ERMARD: variants seen among roughly 807,000 people sequenced by gnomAD.
The protein encoded by ERMARD is ER membrane associated RNA degradation, also known as endoplasmic reticulum membrane-associated RNA degradation protein.
A neutral mutation model predicts 83.9 loss-of-function variants in ERMARD; 71 were observed. The observed-to-expected ratio is 0.85, with a 90% confidence interval of 0.70 to 1.03. The LOEUF is 1.03. ERMARD is among the 50% of genes least tolerant of loss of function. The probability of loss-of-function intolerance (pLI) is 0.00; values close to 1 mark genes in which losing one functional copy is unlikely to be tolerated. For synonymous variants in ERMARD, 284 were observed against 298.6 expected, an observed-to-expected ratio of 0.95 and a Z score of 0.50; for missense variants, 838 against 810.9, an observed-to-expected ratio of 1.03 and a Z score of -0.41.
intron 8 of ERMARD, among the ~76,000 whole-genome samples, chr6:169,761,274 T>C (rs1279514575): frequency 2.0e-5 from 3 of 152,234 alleles, no homozygotes; most frequent in Non-Finnish European, 4.4e-5. Flanking sequence ...TGAAGTGCAT[T>C]GGAGCCACCT....
rs1173190247 is a variant in ERMARD at position 169,762,469 on chromosome 6, A to G, written c.898A>G (p.Thr300Ala). 1 of 1,614,006 alleles carries G rather than the reference A, an allele frequency of 6.2e-7. No homozygotes were observed. The highest frequency in any genetic ancestry group is 2.2e-5 in the East Asian group (1 of 44,894). ...CATATTGTTGCTGACACAACTGGAG[A>G]CTGGACTTAGGAATGTTTTTGCCAC... is the stretch of plus-strand genomic sequence containing the variant. ...CAILLLTQLE[T>A]GLRNVFATLN... The change falls in exon 9 of 18, where the codon ACT (threonine) becomes GCT (alanine). Residue 300 changes from threonine (T) to alanine (A), a missense_variant. Transcript: ENST00000366773.
chr6:169,755,194 T>A, intron 2 of ERMARD, 89 bp from the exon 3 acceptor site: 1 of 1,462,406 alleles, frequency 6.8e-7, no homozygotes, highest in Non-Finnish European at 9.2e-7. Flanking sequence ...AATTTTATAA[T>A]TAAAGCATTT....
chr6:169,769,222 C>G (rs1218806207), intron 11 of ERMARD, among the ~76,000 whole-genome samples: 1 of 152,172 alleles, frequency 6.6e-6, no homozygotes, highest in Non-Finnish European at 1.5e-5. Flanking sequence ...AAGAAAGAGC[C>G]GTGATTTCTT....
At chr6:169,773,512 G>T (rs1793225319) in intron 13 of ERMARD, 110 bp downstream of exon 13, 2 of 1,073,646 alleles carry the variant, frequency 1.9e-6, no homozygotes, top group East Asian at 2.4e-5. Context: ...ACTTTGAGTT[G>T]GGCAGATCCA....
At chr6:169,757,808 A>G (rs1261310646) in intron 5 of ERMARD, among the ~76,000 whole-genome samples, 1 of 152,206 alleles carries the variant, frequency 6.6e-6, no homozygotes, top group East Asian at 1.9e-4. Context: ...CCGCTTAAAG[A>G]TCATTTTCTT....
At chr6:169,762,877 C>T (rs1354107049) in intron 9 of ERMARD, among the ~76,000 whole-genome samples, 2 of 152,154 alleles carry the variant, frequency 1.3e-5, no homozygotes, top group East Asian at 1.9e-4. Context: ...TGAACCTGAC[C>T]TTGGGAAACT....
At chr6:169,753,231 G>A (rs1790364957) in intron 1 of ERMARD, 2 of 154,428 alleles carry the variant, frequency 1.3e-5, no homozygotes, top group Middle Eastern at 1.0e-3. Flanking sequence ...GTCTTTGGGC[G>A]GAAGAGGGGG....
chr6:169,771,729 A>G (rs1251349088), intron 12 of ERMARD: 1 of 152,102 alleles, frequency 6.6e-6, no homozygotes, highest in Non-Finnish European at 1.5e-5. Context: ...AGTCCTTGGA[A>G]CAGGTCTTAG....
chr6:169,775,202 C>T, intron 13 of ERMARD, 68 bp from the exon 14 acceptor site: 1 of 1,489,896 alleles, frequency 6.7e-7, no homozygotes, highest in African/African-American at 1.4e-5. Context: ...ATGTAACATC[C>T]ATAAAAACAC....
rs1205895812 is a variant in ERMARD at position 169,776,454 on chromosome 6, G to T, written c.1521-1G>T. The T allele has an allele frequency of 6.2e-7, 1 of 1,612,910 alleles. No individual in the cohort carries two copies. The highest frequency in any genetic ancestry group is 8.5e-7 in the Non-Finnish European group (1 of 1,179,538). ...TGCTCCAAGTCTGGCTCTGTTTGCA[G>T]GTGGCCCCAGCTTCTCCGTGAGCTC... is the stretch of plus-strand genomic sequence containing the variant. On this transcript the variant is annotated splice_acceptor_variant, in intron 15 of 17. Transcript: ENST00000366773. LOFTEE classifies it high-confidence loss of function.
intron 12 of ERMARD, among the ~76,000 whole-genome samples, chr6:169,772,372 C>T (rs1366613527): frequency 6.6e-6 from 1 of 152,242 alleles, no homozygotes; most frequent in African/African-American, 2.4e-5. Flanking sequence ...CTCCCTGGTG[C>T]ACTCCAGGCT....
Position 169,781,337 on chromosome 6 carries a change from A to G in ERMARD, c.1861A>G (p.Lys621Glu). The G allele has an allele frequency of 1.3e-6, 2 of 1,598,074 alleles. No individual in the cohort carries two copies. Among genetic ancestry groups the G allele is most frequent in the South Asian group, 1.2e-5 (1 of 85,606 alleles). The change falls in exon 18 of 18, where the codon AAG (lysine) becomes GAG (glutamate). Residue 621 changes from lysine to glutamate, a missense_variant. Physicochemically the swap from Lys to Glu is moderately conservative, Grantham distance 56 (BLOSUM62 1). Transcript: ENST00000366773. ...TTAATTTTTTTTTTACAGGTTTGTA[A>G]AGTCGATCTTGCAGTACACGGAGAA... ...HEYQQYLKFV[K>E]SILQYTENLV...
Position 169,769,530 on chromosome 6 carries a change from T to C in ERMARD, c.1060-10T>C, listed in dbSNP as rs1792633298. 6.3e-7 allele frequency: 1 copy of C among 1,594,906 alleles called. No homozygotes were observed. Among genetic ancestry groups the C allele is most frequent in the Non-Finnish European group, 8.5e-7 (1 of 1,171,368 alleles). ...CTAACAAAATATTTTCTCTGTTTAATTTCTGAAAGGAATTTCTCTGGGATT... is the reference window on the plus strand; with the variant it reads ...CTAACAAAATATTTTCTCTGTTTAACTTCTGAAAGGAATTTCTCTGGGATT... On this transcript the variant is annotated splice_polypyrimidine_tract_variant and intron_variant, in intron 11 of 17. Transcript: ENST00000366773.
chr6:169,775,012 A>G (rs940600340), intron 13 of ERMARD, among the ~76,000 whole-genome samples: 2 of 152,062 alleles, frequency 1.3e-5, no homozygotes, highest in Admixed American at 6.5e-5. Context: ...CTCCCTCTCA[A>G]TGGCAGGTGT....
intron 9 of ERMARD, among the ~76,000 whole-genome samples, chr6:169,766,001 G>C (rs866372862): frequency 8.6e-5 from 7 of 81,408 alleles, no homozygotes; most frequent in East Asian, 8.1e-4. Context: ...TCGTCATGCT[G>C]TCTGTCAAAT....
rs527930073 is a variant in ERMARD, at chr6:169,774,879, G to A, written c.1318-391G>A. ...TGACAGCTGCTGCACCTCGAGTGCGGCCTGAACTGGAGAGGCACCTGCACC... is the reference window on the plus strand; with the variant it reads ...TGACAGCTGCTGCACCTCGAGTGCGACCTGAACTGGAGAGGCACCTGCACC... On this transcript the variant is annotated intron_variant, in intron 13 of 17. Coordinates refer to ENST00000366773, the MANE Select transcript of ERMARD (RefSeq NM_018341.3). Among the ~76,000 whole-genome samples, 18 of 152,310 alleles carry A rather than the reference G, an allele frequency of 1.2e-4. No individual in the cohort carries two copies. The South Asian group carries it at 2.9e-3, about 25-fold the overall frequency.
In ERMARD at chr6:169,751,668, G is replaced by T. The variant is rs1013820864; in HGVS notation, c.6+5G>T. On this transcript the variant is annotated splice_donor_5th_base_variant and intron_variant, in intron 1 of 17. Transcript: ENST00000366773. ...GGGGCACCGGAAGTTATGGAGGTAGGGCGGGTGTAGGGCCCGGTTCGATCC... is the reference window on the plus strand; with the variant it reads ...GGGGCACCGGAAGTTATGGAGGTAGTGCGGGTGTAGGGCCCGGTTCGATCC... 6.4e-7 allele frequency: 1 copy of T among 1,556,790 alleles called. No homozygotes were observed. The highest frequency in any genetic ancestry group is 1.4e-5 in the African/African-American group (1 of 73,540).
intron 13 of ERMARD, among the ~76,000 whole-genome samples, chr6:169,773,917 C>T (rs1013188476): frequency 1.3e-5 from 2 of 152,078 alleles, no homozygotes; most frequent in Non-Finnish European, 2.9e-5. Flanking sequence ...AGAGACAGTC[C>T]CCAAGAATAT....
At chr6:169,758,941 TTAAC>T (rs1250272943) in intron 5 of ERMARD, 23 bp from the exon 6 acceptor site, 1 of 1,576,200 alleles carries the variant, frequency 6.3e-7, no homozygotes, top group Non-Finnish European at 8.7e-7. Flanking sequence ...TTCAGTATAA[TTAAC>T]TATGTAATGA....
Sources: gnomAD v4.1 joint callset for allele counts (sites outside exome capture counted in the v4.1 genomes callset) on GRCh38, gnomAD v4.1.1 for gene constraint, MANE v1.5 for transcripts, NCBI Gene and HGNC (gene_info 2026-07-23, HGNC 2026-07-21) for gene names.